The following HTR2C variants were observed in gnomAD, a reference collection of about 807,000 sequenced individuals.
HTR2C encodes the protein 5-hydroxytryptamine (serotonin) receptor 2C, G protein-coupled.
A neutral mutation model predicts 21.0 loss-of-function variants in HTR2C; 5 were observed. That is an observed-to-expected ratio of 0.24 (90% CI 0.12 to 0.50). HTR2C has a LOEUF of 0.50. HTR2C is among the 20% of genes least tolerant of loss of function. The pLI is 0.98. For synonymous variants in HTR2C, 150 were observed against 145.3 expected (o/e 1.03, Z -0.23); for missense variants, 271 against 371.2 (o/e 0.73, Z 2.22).
In HTR2C at chrX:114,607,176, C is replaced by G. The variant is rs181317879; in HGVS notation, c.-146-6639C>G. Among the ~76,000 whole-genome samples, 120 of 111,907 alleles carry G rather than the reference C, an allele frequency of 1.1e-3. 1 individual carries two copies. The highest frequency in any genetic ancestry group is 3.8e-3 in the African/African-American group (116 of 30,628). On this transcript the variant is annotated intron_variant, in intron 1 of 5. Transcript: ENST00000276198. ...TTTGTGATTCTTCAGTTACTTCAGG[C>G]CATCTGGGCATATACGTGCAAGTCA... is the stretch of plus-strand genomic sequence containing the variant.
At chrX:114,811,755 G>A (rs1425654726) in intron 4 of HTR2C, among the ~76,000 whole-genome samples, 1 of 112,025 alleles carries the variant, frequency 8.9e-6, no homozygotes, top group African/African-American at 3.2e-5. Context: ...AAAATTCTTC[G>A]TGGGAAACTA....
intron 2 of HTR2C, among the ~76,000 whole-genome samples, chrX:114,713,480 G>T (rs951174033): frequency 2.7e-5 from 3 of 111,078 alleles, no homozygotes; most frequent in African/African-American, 9.8e-5. Context: ...GCTACAATTG[G>T]TCTATATTAT....
chrX:114,588,422 A>C (rs1927491822), intron 1 of HTR2C, among the ~76,000 whole-genome samples: 1 of 111,675 alleles, frequency 9.0e-6, no homozygotes, highest in Non-Finnish European at 1.9e-5. Context: ...AGCCTTTAGA[A>C]CTGCATTGTC....
rs782266784 is a variant in HTR2C, at chrX:114,847,992, TTC to T, written c.350-7_350-6del. 1.0e-5 allele frequency: 12 copies of T among 1,184,182 alleles called. No homozygotes were observed. The highest frequency in any genetic ancestry group is 1.4e-5 in the Non-Finnish European group (12 of 872,748). On this transcript the variant is annotated splice_polypyrimidine_tract_variant and intron_variant, in intron 4 of 5. Transcript: ENST00000276198. ...ATGACGTGTTCTTGTCTTCTCTCTGTTCTCTTTCAGATTATGTCTGGCCACTA... is the reference window on the plus strand; with the variant it reads ...ATGACGTGTTCTTGTCTTCTCTCTGTTCTTTCAGATTATGTCTGGCCACTA...
chrX:114,798,247 G>T (rs2070313497), intron 4 of HTR2C, among the ~76,000 whole-genome samples: 1 of 110,621 alleles, frequency 9.0e-6, no homozygotes, highest in Admixed American at 9.7e-5. Flanking sequence ...TGAATTGATT[G>T]TTCTAATGAC....
intron 5 of HTR2C, among the ~76,000 whole-genome samples, chrX:114,889,363 TGGGC>T (rs2071242931): frequency 9.0e-6 from 1 of 111,686 alleles, no homozygotes; most frequent in Non-Finnish European, 1.9e-5. Flanking sequence ...CATTTTGCCA[TGGGC>T]TTCCCTTACT....
chrX:114,628,085 G>A (rs781942567), intron 2 of HTR2C, among the ~76,000 whole-genome samples: 1 of 112,069 alleles, frequency 8.9e-6, no homozygotes, highest in East Asian at 2.8e-4. Flanking sequence ...CTTTTCAGCA[G>A]AAATGTTTCT....
At chrX:114,657,720 C>T (rs1930835405) in intron 2 of HTR2C, among the ~76,000 whole-genome samples, 1 of 110,768 alleles carries the variant, frequency 9.0e-6, no homozygotes, top group African/African-American at 3.3e-5. Flanking sequence ...TTTTATTATG[C>T]TTTAAGTTTT....
chrX:114,789,651 G>A (rs927887634), intron 4 of HTR2C, among the ~76,000 whole-genome samples: 1 of 111,113 alleles, frequency 9.0e-6, no homozygotes, highest in African/African-American at 3.3e-5. Context: ...GACCATAGAG[G>A]TCACAAAAGG....
Position 114,801,413 on chromosome X carries a change from G to A in HTR2C, c.350-46590G>A, listed in dbSNP as rs189194798. Among the ~76,000 whole-genome samples the A allele has an allele frequency of 9.9e-5, 11 of 111,175 alleles. No individual in the cohort carries two copies. The East Asian group carries it at 1.7e-3, about 17-fold the overall frequency. Reference sequence around the variant, plus strand: ...TAAACTCCAATCAGGAGTAATTTTCGTGCATGACTCTGACTATTGGGGATG... The same window carrying A: ...TAAACTCCAATCAGGAGTAATTTTCATGCATGACTCTGACTATTGGGGATG... On this transcript the variant is annotated intron_variant, in intron 4 of 5. Transcript: ENST00000276198.
chrX:114,841,755 A>T lies in HTR2C; in HGVS notation c.350-6248A>T, dbSNP rs934886574. ...GACTCCGTCTCAAAAAAAAAAAAAA[A>T]TTTTACTTGAAATGTTCTGCTAATT... is the stretch of plus-strand genomic sequence containing the variant. On this transcript the variant is annotated intron_variant, in intron 4 of 5. Transcript: ENST00000276198. 1.4e-4 allele frequency among the ~76,000 whole-genome samples: 14 copies of T among 102,085 alleles called. No individual in the cohort carries two copies. In the East Asian group the frequency reaches 2.6e-3, roughly 19 times the overall value. 88.6% of individuals were successfully genotyped at this position (102,085 alleles called of 115,157 possible).
intron 2 of HTR2C, among the ~76,000 whole-genome samples, chrX:114,632,823 T>C (rs2147818837): frequency 9.0e-6 from 1 of 110,600 alleles, no homozygotes; most frequent in East Asian, 2.8e-4. Flanking sequence ...ATAAATATTA[T>C]TATTTAGAAA....
At chrX:114,870,044 A>C (rs2071079088) in intron 5 of HTR2C, among the ~76,000 whole-genome samples, 1 of 109,561 alleles carries the variant, frequency 9.1e-6, no homozygotes, top group African/African-American at 3.3e-5. Context: ...TTTCTAATGT[A>C]TTGTTGAATT....
intron 1 of HTR2C, 56 bp downstream of exon 1, chrX:114,584,715 G>A (rs1556389027): frequency 8.9e-6 from 1 of 111,881 alleles, no homozygotes; most frequent in Non-Finnish European, 1.9e-5. Context: ...TTTAGGCGGG[G>A]GATGGGGTGG....
chrX:114,841,387 T>C (rs910521505), intron 4 of HTR2C, among the ~76,000 whole-genome samples: 1 of 112,190 alleles, frequency 8.9e-6, no homozygotes, highest in African/African-American at 3.2e-5. Flanking sequence ...TATGGAAACT[T>C]TAACACTACT....
intron 5 of HTR2C, among the ~76,000 whole-genome samples, chrX:114,887,790 G>A (rs930209313): frequency 9.1e-5 from 10 of 110,489 alleles, no homozygotes; most frequent in Non-Finnish European, 1.9e-4. Flanking sequence ...GGGAGGCCGA[G>A]GTGGGCAAAT....
chrX:114,619,709 T>C (rs1222891078), intron 2 of HTR2C, among the ~76,000 whole-genome samples: 2 of 111,236 alleles, frequency 1.8e-5, no homozygotes, highest in Non-Finnish European at 3.8e-5. Context: ...CTGCCCACCA[T>C]ACCCCCTAAC....
chrX:114,876,461 C>A (rs1309334599), intron 5 of HTR2C, among the ~76,000 whole-genome samples: 2 of 63,668 alleles, frequency 3.1e-5, no homozygotes, highest in African/African-American at 1.2e-4. Context: ...TGGATTAAGA[C>A]TTCCAGTTCT....
chrX:114,790,841 T>C (rs1477713932), intron 4 of HTR2C, among the ~76,000 whole-genome samples: 1 of 111,793 alleles, frequency 8.9e-6, no homozygotes, highest in East Asian at 2.8e-4. Flanking sequence ...ATTCACAAGT[T>C]TTATTATGGA....
Sources: gnomAD v4.1 joint callset for allele counts (sites outside exome capture counted in the v4.1 genomes callset) on GRCh38, gnomAD v4.1.1 for gene constraint, MANE v1.5 for transcripts, NCBI Gene and HGNC (gene_info 2026-07-23, HGNC 2026-07-21) for gene names.